PTPRJ: variants seen among roughly 807,000 people sequenced by gnomAD.
PTPRJ encodes the protein protein tyrosine phosphatase receptor type J.
PTPRJ carries 129 observed loss-of-function variants against 141.3 expected under a neutral mutation model. The observed-to-expected ratio is 0.91, with a 90% CI of 0.79 to 1.06. PTPRJ has a LOEUF of 1.06. PTPRJ is among the 50% of genes least tolerant of loss of function. The probability of loss-of-function intolerance (pLI) is 0.00; values close to 1 mark genes in which losing one functional copy is unlikely to be tolerated. For missense variants in PTPRJ, 1,601 were observed against 1,679.7 expected, an observed-to-expected ratio of 0.95 and a Z score of 0.82; for synonymous variants, 610 against 640.5, an observed-to-expected ratio of 0.95 and a Z score of 0.72.
At chr11:47,997,074 A>G (rs1171712604) in intron 1 of PTPRJ, among the ~76,000 whole-genome samples, 1 of 152,196 alleles carries the variant, frequency 6.6e-6, no homozygotes, top group Non-Finnish European at 1.5e-5. Context: ...TGGTTTCTCC[A>G]TCTCAGCCCT....
intron 1 of PTPRJ, among the ~76,000 whole-genome samples, chr11:48,053,286 TA>T (rs1269496214): frequency 1.4e-3 from 124 of 90,034 alleles, no homozygotes; most frequent in African/African-American, 4.9e-3. Context: ...TATAAATATA[TA>T]AAAATATATA....
At position 48,053,138 on chromosome 11, in the gene PTPRJ, A is replaced by C. The variant is rs1263290504; in HGVS notation, c.97-56920A>C. Among the ~76,000 whole-genome samples, 12 of 117,876 alleles carry C rather than the reference A, an allele frequency of 1.0e-4. No homozygotes were observed. The East Asian group carries it at 2.5e-3, about 25-fold the overall frequency. 77.3% of individuals were successfully genotyped at this position (117,876 alleles called of 152,430 possible). ...AAATATATTATATATAAATATATAA[A>C]TATATAAAAATAAATATATATTATA... On this transcript the variant is annotated intron_variant, in intron 1 of 24. Coordinates refer to ENST00000418331, the MANE Select transcript of PTPRJ (RefSeq NM_002843.4).
At chr11:48,039,413 G>C (rs982449650) in intron 1 of PTPRJ, among the ~76,000 whole-genome samples, 3 of 151,658 alleles carry the variant, frequency 2.0e-5, no homozygotes, top group Admixed American at 6.6e-5. Context: ...ATTTAGGTCT[G>C]TCTTGTTCTG....
chr11:47,990,017 A>G (rs1256473730), intron 1 of PTPRJ, among the ~76,000 whole-genome samples: 2 of 152,218 alleles, frequency 1.3e-5, no homozygotes, highest in African/African-American at 2.4e-5. Context: ...GTAAATGGCT[A>G]TGGAAACATA....
intron 24 of PTPRJ, among the ~76,000 whole-genome samples, chr11:48,165,965 A>AT (rs1857907002): frequency 6.6e-6 from 1 of 151,034 alleles, no homozygotes; most frequent in Non-Finnish European, 1.5e-5. Flanking sequence ...GGTTCAAGCG[A>AT]TTCCCCTGCC....
intron 6 of PTPRJ, among the ~76,000 whole-genome samples, chr11:48,126,879 G>A (rs968264855): frequency 1.3e-5 from 2 of 151,908 alleles, no homozygotes; most frequent in Admixed American, 6.6e-5. Flanking sequence ...TGACTAGTTA[G>A]GTGGGGCAGG....
Position 48,169,019 on chromosome 11 carries a change from G to A in PTPRJ, c.*1657G>A, listed in dbSNP as rs1420929347. 1.3e-5 allele frequency: 2 copies of A among 152,112 alleles called. No individual in the cohort carries two copies. The highest frequency in any genetic ancestry group is 2.9e-5 in the Non-Finnish European group (2 of 68,048). The allele number at this position is 152,112 out of a possible 1,614,324, so 9.4% of individuals were successfully genotyped here. ...CAGGTGTGTCCTGTTGAGAATGTGA[G>A]CGGGCTCTTCCAGCCTCCTGGTCCC... On this transcript the variant is annotated 3_prime_UTR_variant, in exon 25 of 25. Transcript: ENST00000418331.
Position 48,121,139 on chromosome 11 carries a change from T to TA in PTPRJ, c.490dup (p.Thr164AsnfsTer9). 1.2e-6 allele frequency: 2 copies of TA among 1,614,138 alleles called. No individual in the cohort carries two copies. The highest frequency in any genetic ancestry group is 8.5e-7 in the Non-Finnish European group (1 of 1,180,004). ...ATAAGATGGAAAATGAGAAGACAAT[T>TA]ACTGTTGTGCATCAACCATGGTGTA... On this transcript the variant is annotated frameshift_variant, in exon 4 of 25. Coordinates refer to ENST00000418331, the MANE Select transcript of PTPRJ (RefSeq NM_002843.4). LOFTEE classifies it high-confidence loss of function.
In PTPRJ at chr11:48,127,767, T is replaced by G. The variant is rs375923513; in HGVS notation, c.1094-13T>G. 1.6e-4 allele frequency: 261 copies of G among 1,612,932 alleles called. 1 individual carries two copies. The highest frequency in any genetic ancestry group is 2.1e-4 in the Non-Finnish European group (249 of 1,179,154). ...CGTTCTGGTTATTTTGAACTCCTCT[T>G]GTGTTCTCACAGATGCTATTCAGGT... On this transcript the variant is annotated splice_polypyrimidine_tract_variant and intron_variant, in intron 6 of 24. Coordinates refer to ENST00000418331, the MANE Select transcript of PTPRJ (RefSeq NM_002843.4).
intron 1 of PTPRJ, among the ~76,000 whole-genome samples, chr11:48,063,367 A>G (rs1185146243): frequency 6.6e-6 from 1 of 152,056 alleles, no homozygotes; most frequent in Non-Finnish European, 1.5e-5. Flanking sequence ...CAAAAGAAAA[A>G]ACCCCTAACT....
intron 14 of PTPRJ, among the ~76,000 whole-genome samples, chr11:48,146,581 C>T (rs1857355991): frequency 6.6e-6 from 1 of 152,152 alleles, no homozygotes; most frequent in African/African-American, 2.4e-5. Context: ...GCCCAGTTCC[C>T]TAAATTTGCA....
intron 1 of PTPRJ, among the ~76,000 whole-genome samples, chr11:48,082,410 A>ATT (rs386373791): frequency 0.53 from 65,553 of 124,798 alleles, 20,775 homozygotes; most frequent in East Asian, 0.77. Flanking sequence ...TACCTGGCAA[A>ATT]TTTTTTTTTT....
At chr11:48,157,016 A>G (rs1156474208) in intron 21 of PTPRJ, among the ~76,000 whole-genome samples, 2 of 150,456 alleles carry the variant, frequency 1.3e-5, no homozygotes, top group African/African-American at 4.9e-5. Context: ...TTTTAGATGG[A>G]GTCTCACTCT....
At chr11:48,038,372 G>A (rs186702339) in intron 1 of PTPRJ, among the ~76,000 whole-genome samples, 217 of 152,138 alleles carry the variant, frequency 1.4e-3, no homozygotes, top group Middle Eastern at 6.8e-3. Flanking sequence ...CAGAATCTGC[G>A]TTTCCCTCCC....
intron 1 of PTPRJ, among the ~76,000 whole-genome samples, chr11:48,057,800 A>G (rs1292407329): frequency 6.6e-6 from 1 of 152,204 alleles, no homozygotes; most frequent in Non-Finnish European, 1.5e-5. Context: ...CAAAACACCC[A>G]CAAAACAAGA....
At chr11:48,140,016 A>G (rs1857195639) in intron 11 of PTPRJ, among the ~76,000 whole-genome samples, 1 of 152,062 alleles carries the variant, frequency 6.6e-6, no homozygotes, top group African/African-American at 2.4e-5. Flanking sequence ...AGCATAACTC[A>G]TTGCCTCATT....
At chr11:48,042,756 A>AGG (rs1180987103) in intron 1 of PTPRJ, among the ~76,000 whole-genome samples, 1 of 131,654 alleles carries the variant, frequency 7.6e-6, no homozygotes, top group African/African-American at 3.4e-5. Context: ...GTGTGTGTGT[A>AGG]GGGGTGTGTG....
intron 15 of PTPRJ, 30 bp from the exon 16 acceptor site, chr11:48,149,417 G>C (rs1219718882): frequency 6.9e-7 from 1 of 1,443,648 alleles, no homozygotes; most frequent in Admixed American, 1.9e-5. Context: ...ATCCTTTTTT[G>C]TCTAATGGGT....
intron 1 of PTPRJ, among the ~76,000 whole-genome samples, chr11:48,046,549 C>T (rs141250139): frequency 6.6e-6 from 1 of 152,260 alleles, no homozygotes; most frequent in Admixed American, 6.5e-5. Flanking sequence ...GACAAGTTCT[C>T]TGTTCTCACA....
Sources: allele counts gnomAD v4.1 joint callset (sites outside exome capture counted in the v4.1 genomes callset), GRCh38; gene constraint gnomAD v4.1.1; transcripts MANE v1.5; gene names NCBI Gene and HGNC (gene_info 2026-07-23, HGNC 2026-07-21).